The following NRG1 variants were observed in gnomAD, a reference collection of about 807,000 sequenced individuals.
NRG1 encodes neuregulin 1.
A neutral mutation model predicts 63.8 loss-of-function variants in NRG1; 18 were observed. The observed-to-expected ratio is 0.28, with a 90% confidence interval of 0.19 to 0.42. The LOEUF (loss-of-function observed/expected upper bound fraction) is 0.42, where lower values mean the gene tolerates loss of function less well. Among genes scored for constraint, NRG1 ranks in the 10% least tolerant of loss-of-function variants. The pLI is 1.00. For missense variants in NRG1, 762 were observed against 814.7 expected (o/e 0.94, Z 0.79); for synonymous variants, 302 against 301.3 (o/e 1.00, Z -0.02).
At chr8:31,868,277 TG>T (rs1829167071) in intron 1 of NRG1, among the ~76,000 whole-genome samples, 1 of 152,022 alleles carries the variant, frequency 6.6e-6, no homozygotes, top group African/African-American at 2.4e-5. Context: ...TCCTTGGTTT[TG>T]TATCAAAGGT....
intron 5 of NRG1, among the ~76,000 whole-genome samples, chr8:32,677,972 TA>T (rs1251541014): frequency 6.6e-6 from 1 of 152,210 alleles, no homozygotes; most frequent in Admixed American, 6.5e-5. Flanking sequence ...TGTCCTCTGC[TA>T]TATCACATCA....
intron 1 of NRG1, among the ~76,000 whole-genome samples, chr8:31,669,697 G>A (rs1465985252): frequency 1.3e-5 from 2 of 152,168 alleles, no homozygotes; most frequent in East Asian, 1.9e-4. Flanking sequence ...CTACTGATAA[G>A]CTTTGTGTTC....
intron 1 of NRG1, among the ~76,000 whole-genome samples, chr8:31,743,512 T>A (rs1427928209): frequency 1.3e-5 from 2 of 151,966 alleles, no homozygotes; most frequent in Non-Finnish European, 2.9e-5. Context: ...CTAGTTACCA[T>A]GGTCATCATA....
At chr8:32,095,374 G>A (rs1829771334) in intron 1 of NRG1, among the ~76,000 whole-genome samples, 1 of 152,080 alleles carries the variant, frequency 6.6e-6, no homozygotes, top group Non-Finnish European at 1.5e-5. Flanking sequence ...CTATGCCTGT[G>A]TAACTCCAAA....
At chr8:32,579,163 T>C (rs1490624918) in intron 1 of NRG1, among the ~76,000 whole-genome samples, 3 of 150,574 alleles carry the variant, frequency 2.0e-5, no homozygotes. Context: ...TTTGAAAGCT[T>C]TGGAAAATTT....
intron 1 of NRG1, among the ~76,000 whole-genome samples, chr8:31,991,217 C>T (rs897843346): frequency 2.6e-5 from 4 of 151,738 alleles, no homozygotes; most frequent in Non-Finnish European, 5.9e-5. Flanking sequence ...AAACAAAGTC[C>T]CCCTCCTACC....
At chr8:32,510,233 G>A (rs561244543) in intron 1 of NRG1, among the ~76,000 whole-genome samples, 3 of 151,902 alleles carry the variant, frequency 2.0e-5, no homozygotes, top group East Asian at 1.9e-4. Context: ...ATATTGCCTC[G>A]TGTCTATAAT....
In NRG1 at chr8:32,693,871, A is replaced by C. The variant is rs184924161; in HGVS notation, c.503-34078A>C. On this transcript the variant is annotated intron_variant, in intron 5 of 11. Transcript: ENST00000356819. Reference sequence around the variant, plus strand: ...TCCTACATATGTTTGTTAGGAGTACATAAAAGACAAGTTAGCTCTATAGAC... The same window carrying C: ...TCCTACATATGTTTGTTAGGAGTACCTAAAAGACAAGTTAGCTCTATAGAC... Among the ~76,000 whole-genome samples the C allele has an allele frequency of 7.1e-4, 108 of 152,318 alleles. 2 individuals carry two copies. The highest frequency in any genetic ancestry group is 2.5e-3 in the African/African-American group (106 of 41,578).
chr8:32,088,710 G>A (rs1236879389), intron 1 of NRG1, among the ~76,000 whole-genome samples: 2 of 151,900 alleles, frequency 1.3e-5, no homozygotes, highest in African/African-American at 4.8e-5. Context: ...AGTAGAGATG[G>A]GGTTTCACCA....
At chr8:32,280,680 G>GTT (rs1235833561) in intron 1 of NRG1, among the ~76,000 whole-genome samples, 652 of 53,614 alleles carry the variant, frequency 0.012, 50 homozygotes, top group Admixed American at 0.035. Flanking sequence ...ACTGAATTAG[G>GTT]TTTTTTTTTT....
chr8:32,593,115 C>A (rs980909989), intron 1 of NRG1, among the ~76,000 whole-genome samples: 11 of 151,912 alleles, frequency 7.2e-5, no homozygotes, highest in Non-Finnish European at 1.0e-4. Flanking sequence ...GAGGAAGAGG[C>A]GGGCATTGGT....
intron 1 of NRG1, among the ~76,000 whole-genome samples, chr8:32,271,890 T>C (rs1290651859): frequency 6.6e-6 from 1 of 152,168 alleles, no homozygotes; most frequent in Non-Finnish European, 1.5e-5. Flanking sequence ...GCACACAGCA[T>C]GGCCTGCTTC....
At chr8:32,194,614 C>G (rs936645738) in intron 1 of NRG1, among the ~76,000 whole-genome samples, 3 of 152,008 alleles carry the variant, frequency 2.0e-5, no homozygotes, top group African/African-American at 7.2e-5. Flanking sequence ...ACTTACATTC[C>G]CCAGGGCCAT....
rs571918383 is a variant in NRG1, at chr8:32,599,328, A to G, written c.278+3323A>G. ...GATTTTTCTGGGATTCTCTTTAATT[A>G]AATACTTTGACTCTTTCCCAATCCT... is the stretch of plus-strand genomic sequence containing the variant. On this transcript the variant is annotated intron_variant, in intron 2 of 11. Transcript: ENST00000356819. 5.1e-4 allele frequency among the ~76,000 whole-genome samples: 77 copies of G among 152,200 alleles called. 1 individual carries two copies. The highest frequency in any genetic ancestry group is 1.8e-3 in the African/African-American group (74 of 41,532).
At chr8:32,028,862 C>A (rs1049241941) in intron 1 of NRG1, among the ~76,000 whole-genome samples, 7 of 151,784 alleles carry the variant, frequency 4.6e-5, no homozygotes, top group Non-Finnish European at 1.0e-4. Flanking sequence ...TTAATAACAT[C>A]ACTAACCTTC....
rs143214637 is a variant in NRG1 at position 32,108,093 on chromosome 8, C to T, written c.37+468662C>T. ...TAGATTCATATCAAAAATTGAAACCCAGAGAAAAAACTTGGAATTTGGTAG... is the reference window on the plus strand; with the variant it reads ...TAGATTCATATCAAAAATTGAAACCTAGAGAAAAAACTTGGAATTTGGTAG... On this transcript the variant is annotated intron_variant, in intron 1 of 10. Coordinates refer to the NRG1 transcript ENST00000519301. Among the ~76,000 whole-genome samples, 398 of 151,994 alleles carry T rather than the reference C, an allele frequency of 2.6e-3. 2 individuals carry two copies. The highest frequency in any genetic ancestry group is 9.1e-3 in the African/African-American group (379 of 41,452).
intron 1 of NRG1, among the ~76,000 whole-genome samples, chr8:31,648,061 CA>C (rs1463776054): frequency 1.3e-5 from 2 of 150,452 alleles, no homozygotes; most frequent in Non-Finnish European, 3.0e-5. Context: ...ACTAACTCCC[CA>C]TTCCCTTTCC....
intron 5 of NRG1, among the ~76,000 whole-genome samples, chr8:32,661,031 C>T (rs759244854): frequency 6.6e-6 from 1 of 152,050 alleles, no homozygotes; most frequent in Non-Finnish European, 1.5e-5. Context: ...TATGTGTTAC[C>T]ATCATACCTG....
At chr8:32,270,131 G>T (rs562939039) in intron 1 of NRG1, among the ~76,000 whole-genome samples, 3 of 152,148 alleles carry the variant, frequency 2.0e-5, no homozygotes, top group African/African-American at 7.2e-5. Context: ...TGCTGTGAAG[G>T]CATCAGAGTA....
Sources: gnomAD v4.1 joint callset for allele counts (sites outside exome capture counted in the v4.1 genomes callset) on GRCh38, gnomAD v4.1.1 for gene constraint, MANE v1.5 for transcripts, NCBI Gene and HGNC (gene_info 2026-07-23, HGNC 2026-07-21) for gene names.